PI4KA: variants seen among roughly 807,000 people sequenced by gnomAD.
The protein encoded by PI4KA is PI4-kinase alpha.
PI4KA carries 122 observed loss-of-function variants against 271.4 expected under a neutral mutation model. That is an observed-to-expected ratio of 0.45 (90% CI 0.39 to 0.52). The LOEUF is 0.52. Ranked by LOEUF, PI4KA falls within the 20% of genes least tolerant of loss-of-function variation. The pLI is 0.00. For missense variants in PI4KA, 1,969 were observed against 2,769.1 expected, an observed-to-expected ratio of 0.71 and a Z score of 6.48; for synonymous variants, 1,041 against 1,078.8, an observed-to-expected ratio of 0.96 and a Z score of 0.69.
chr22:20,737,709 G>A (rs1928908012), intron 32 of PI4KA, among the ~76,000 whole-genome samples: 1 of 150,252 alleles, frequency 6.7e-6, no homozygotes, highest in East Asian at 2.0e-4. Context: ...TTGGCTCACC[G>A]CAACCTCCGC....
chr22:20,727,333 G>A lies in PI4KA; in HGVS notation c.4838C>T (p.Ala1613Val), dbSNP rs773075609. Residue 1613 changes from alanine (A) to valine (V), a missense_variant, in exon 41 of 55, where the codon GCG (alanine) becomes GTG (valine). Ala to Val is a moderately conservative substitution (Grantham distance 64). Coordinates refer to ENST00000255882, the MANE Select transcript of PI4KA (RefSeq NM_058004.4). ...APELSHVLCWAPTDPPTGLSY... is the reference protein window; with the variant it reads ...APELSHVLCWVPTDPPTGLSY... The stretch of plus-strand genomic sequence containing the variant: ...GAGGCCTGTGGGTGGGTCCGTGGGC[G>A]CCCAGCACAGCACATGGCTGAGCTC... 82 of 1,612,820 alleles carry A rather than the reference G, an allele frequency of 5.1e-5. No homozygotes were observed. The highest frequency in any genetic ancestry group is 1.6e-4 in the East Asian group (7 of 44,852).
chr22:20,717,671 A>G (rs1926178196), intron 45 of PI4KA, 37 bp downstream of exon 45: 3 of 1,502,288 alleles, frequency 2.0e-6, no homozygotes, highest in South Asian at 1.2e-5. Flanking sequence ...GCCTGCAGGA[A>G]GAGGTTGGTC....
chr22:20,739,478 A>G (rs1482270007), intron 32 of PI4KA, among the ~76,000 whole-genome samples: 1 of 151,778 alleles, frequency 6.6e-6, no homozygotes, highest in Non-Finnish European at 1.5e-5. Context: ...GGAAAAAAAA[A>G]AAAACAAAAG....
intron 54 of PI4KA, among the ~76,000 whole-genome samples, chr22:20,708,503 G>A (rs1924802255): frequency 6.8e-6 from 1 of 147,562 alleles, no homozygotes; most frequent in South Asian, 2.2e-4. Context: ...AGCTCCTTCC[G>A]TGCCCAGCCT....
intron 1 of PI4KA, among the ~76,000 whole-genome samples, chr22:20,844,657 T>C (rs1043681673): frequency 6.6e-6 from 1 of 152,192 alleles, no homozygotes; most frequent in Non-Finnish European, 1.5e-5. Context: ...AACTTGAACC[T>C]GGGTCCTACA....
At chr22:20,847,612 T>C (rs1926427205) in intron 1 of PI4KA, among the ~76,000 whole-genome samples, 2 of 152,076 alleles carry the variant, frequency 1.3e-5, no homozygotes, top group South Asian at 4.1e-4. Flanking sequence ...CAGGCCATGG[T>C]GGCTTGTGCC....
chr22:20,720,194 G>A (rs1409472905), intron 43 of PI4KA, among the ~76,000 whole-genome samples: 2 of 152,092 alleles, frequency 1.3e-5, no homozygotes, highest in Non-Finnish European at 2.9e-5. Flanking sequence ...AAAAGCTTTT[G>A]TGGGTCCAGG....
At chr22:20,857,645 TCTGTGCCTTGAC>T (rs1308246186) in intron 1 of PI4KA, among the ~76,000 whole-genome samples, 3 of 152,240 alleles carry the variant, frequency 2.0e-5, no homozygotes, top group Non-Finnish European at 2.9e-5. Context: ...GCTCACCCAC[TCTGTGCCTTGAC>T]CTGTGCAAGA....
At chr22:20,840,081 A>C (rs1049409197) in intron 1 of PI4KA, among the ~76,000 whole-genome samples, 2 of 152,206 alleles carry the variant, frequency 1.3e-5, no homozygotes. Flanking sequence ...GCACTAAAAC[A>C]CAGAAGATAC....
chr22:20,779,877 G>T, intron 19 of PI4KA: 2 of 1,614,212 alleles, frequency 1.2e-6, no homozygotes, highest in South Asian at 2.2e-5. Flanking sequence ...CTTTGTTAAT[G>T]CCAGCAGCAA....
chr22:20,730,230 A>G (rs1281565191), intron 36 of PI4KA, among the ~76,000 whole-genome samples: 1 of 152,018 alleles, frequency 6.6e-6, no homozygotes, highest in East Asian at 1.9e-4. Context: ...ATGTTTAAAC[A>G]TTTTTATTAT....
chr22:20,800,625 G>A (rs1935239911), intron 14 of PI4KA, among the ~76,000 whole-genome samples: 1 of 151,250 alleles, frequency 6.6e-6, no homozygotes, highest in Non-Finnish European at 1.5e-5. Flanking sequence ...CACTTTGGGA[G>A]GCACAGGTGG....
At chr22:20,728,759 C>T (rs1927659127) in intron 39 of PI4KA, among the ~76,000 whole-genome samples, 1 of 152,212 alleles carries the variant, frequency 6.6e-6, no homozygotes, top group Non-Finnish European at 1.5e-5. Flanking sequence ...GAATCACCCA[C>T]CCTGGACACA....
intron 19 of PI4KA, among the ~76,000 whole-genome samples, chr22:20,769,784 A>C (rs933684017): frequency 3.2e-4 from 49 of 152,178 alleles, no homozygotes; most frequent in African/African-American, 1.1e-3. Flanking sequence ...GATAAAAATT[A>C]AAAACCCATA....
At position 20,858,742 on chromosome 22, in the gene PI4KA, G is replaced by T; in HGVS notation, c.-17C>A. 2.2e-6 allele frequency: 3 copies of T among 1,373,670 alleles called. No homozygotes were observed. The highest frequency in any genetic ancestry group is 9.4e-7 in the Non-Finnish European group (1 of 1,062,440). The allele number at this position is 1,373,670 out of a possible 1,614,324, so 85.1% of individuals were successfully genotyped here. A position where few individuals can be genotyped will look rare whatever the true frequency, so the allele number is the denominator to read the frequency against. On this transcript the variant is annotated 5_prime_UTR_variant, in exon 1 of 55. Coordinates refer to ENST00000255882, the MANE Select transcript of PI4KA (RefSeq NM_058004.4). ...CGCCGCCATCACCTCACGAGCCGCG[G>T]CGCTGCCCGCCGGCTCCCCGCTCCT... is the stretch of plus-strand genomic sequence containing the variant.
chr22:20,769,656 G>A (rs1320242477), intron 19 of PI4KA, among the ~76,000 whole-genome samples: 5 of 139,024 alleles, frequency 3.6e-5, no homozygotes, highest in Non-Finnish European at 4.6e-5. Flanking sequence ...GCGACAGAGC[G>A]AGACGCCATT....
chr22:20,805,204 C>G lies in PI4KA; in HGVS notation c.1169-39G>C, dbSNP rs1465853310. ...TGTGGCATCACAGCTGGGAACAAAA[C>G]TACAGTAGAACACAGGCAGTGCTAG... is the stretch of plus-strand genomic sequence containing the variant. On this transcript the variant is annotated intron_variant, in intron 10 of 54. Transcript: ENST00000255882. 2.1e-6 allele frequency: 3 copies of G among 1,441,830 alleles called. No individual in the cohort carries two copies. In the African/African-American group the frequency reaches 4.2e-5, roughly 20 times the overall value. 89.3% of individuals were successfully genotyped at this position (1,441,830 alleles called of 1,614,324 possible). A position where few individuals can be genotyped will look rare whatever the true frequency, so the allele number is the denominator to read the frequency against.
rs573206491 is a variant in PI4KA at position 20,858,756 on chromosome 22, C to A, written c.-31G>T. 42 of 1,367,758 alleles carry A rather than the reference C, an allele frequency of 3.1e-5. No individual in the cohort carries two copies. In the African/African-American group the frequency reaches 5.6e-4, roughly 18 times the overall value. The allele number at this position is 1,367,758 out of a possible 1,614,324, so 84.7% of individuals were successfully genotyped here. A position where few individuals can be genotyped will look rare whatever the true frequency, so the allele number is the denominator to read the frequency against. On this transcript the variant is annotated 5_prime_UTR_variant, in exon 1 of 55. Coordinates refer to ENST00000255882, the MANE Select transcript of PI4KA (RefSeq NM_058004.4). ...CACGAGCCGCGGCGCTGCCCGCCGG[C>A]TCCCCGCTCCTGGCCCGCGAGCGCC...
At chr22:20,838,312 G>A (rs192342365) in intron 2 of PI4KA, among the ~76,000 whole-genome samples, 11 of 152,214 alleles carry the variant, frequency 7.2e-5, no homozygotes, top group African/African-American at 2.4e-4. Flanking sequence ...TACCCTGGAA[G>A]GCACACAATT....
Sources: allele counts gnomAD v4.1 joint callset (sites outside exome capture counted in the v4.1 genomes callset), GRCh38; gene constraint gnomAD v4.1.1; transcripts MANE v1.5; gene names NCBI Gene and HGNC (gene_info 2026-07-23, HGNC 2026-07-21).